TAFA2: variants seen among roughly 807,000 people sequenced by gnomAD.
TAFA2 encodes the protein TAFA chemokine like family member 2, also known as chemokine-like protein TAFA-2.
Under a neutral mutation model 18.8 loss-of-function variants are expected in TAFA2, and 7 were observed. The ratio of observed to expected loss-of-function variants is 0.37; its 90% CI spans 0.21 to 0.70. The LOEUF is 0.70. TAFA2 is among the 30% of genes least tolerant of loss of function. TAFA2 has a pLI of 0.53. For missense variants in TAFA2, 122 were observed against 158.1 expected (o/e 0.77, Z 1.23); for synonymous variants, 60 against 54.2 (o/e 1.11, Z -0.47).
intron 1 of TAFA2, among the ~76,000 whole-genome samples, chr12:62,010,413 C>T (rs932320338): frequency 6.6e-6 from 1 of 152,178 alleles, no homozygotes; most frequent in South Asian, 2.1e-4. Flanking sequence ...CCACCTCAGC[C>T]TCCCAGGGTG....
chr12:62,115,678 G>T (rs1592345334), intron 1 of TAFA2, among the ~76,000 whole-genome samples: 1 of 152,288 alleles, frequency 6.6e-6, no homozygotes. Flanking sequence ...CCACGGTTGT[G>T]TCTGGTTTGT....
chr12:61,955,647 ATATATATATATATATATAT>A, intron 1 of TAFA2, among the ~76,000 whole-genome samples: 1 of 70,708 alleles, frequency 1.4e-5, no homozygotes, highest in Non-Finnish European at 3.0e-5. Flanking sequence ...ATATATATAT[ATATATATATATATATATAT>A]ATATTTAATT....
intron 1 of TAFA2, among the ~76,000 whole-genome samples, chr12:61,952,711 T>C (rs184384393): frequency 5.6e-4 from 85 of 152,262 alleles, no homozygotes; most frequent in Admixed American, 9.8e-4. Context: ...TTTAGGATTC[T>C]ATCACCTTCA....
intron 1 of TAFA2, among the ~76,000 whole-genome samples, chr12:62,202,198 AGC>A (rs1160036814): frequency 2.0e-5 from 3 of 151,936 alleles, no homozygotes; most frequent in Admixed American, 6.6e-5. Context: ...CTCCTGGATT[AGC>A]TGATTTTTTA....
chr12:62,012,705 C>T (rs1880811688), intron 1 of TAFA2, among the ~76,000 whole-genome samples: 1 of 152,062 alleles, frequency 6.6e-6, no homozygotes, highest in South Asian at 2.1e-4. Flanking sequence ...AAACACAGCA[C>T]CCAAAATTTA....
At chr12:61,761,741 A>T (rs932601923) in intron 2 of TAFA2, among the ~76,000 whole-genome samples, 1 of 152,088 alleles carries the variant, frequency 6.6e-6, no homozygotes, top group Admixed American at 6.6e-5. Flanking sequence ...AATTAGAGAT[A>T]AGAATCCAGA....
At chr12:62,130,730 A>C (rs1323794245) in intron 1 of TAFA2, among the ~76,000 whole-genome samples, 1 of 151,970 alleles carries the variant, frequency 6.6e-6, no homozygotes, top group African/African-American at 2.4e-5. Flanking sequence ...GTGATACTTG[A>C]AATTCACTGA....
At chr12:62,171,233 A>T (rs951960537) in intron 1 of TAFA2, among the ~76,000 whole-genome samples, 1 of 152,088 alleles carries the variant, frequency 6.6e-6, no homozygotes, top group Non-Finnish European at 1.5e-5. Flanking sequence ...ATAGTATTTG[A>T]AGAAAAAGGA....
chr12:62,095,282 T>A (rs1045569954), intron 1 of TAFA2, among the ~76,000 whole-genome samples: 1 of 152,064 alleles, frequency 6.6e-6, no homozygotes, highest in African/African-American at 2.4e-5. Context: ...AGGGATATAA[T>A]TGCCACCCTG....
chr12:62,159,782 A>C (rs2062394170), intron 1 of TAFA2, among the ~76,000 whole-genome samples: 1 of 152,172 alleles, frequency 6.6e-6, no homozygotes, highest in African/African-American at 2.4e-5. Context: ...TGATGGGTGC[A>C]CCAAAATCTC....
chr12:62,256,954 G>A (rs2062942207), intron 1 of TAFA2, among the ~76,000 whole-genome samples: 6 of 152,184 alleles, frequency 3.9e-5, no homozygotes, highest in Admixed American at 1.3e-4. Context: ...TTAGAGAGGT[G>A]AGTAAGAATG....
At chr12:61,826,624 G>A (rs1410800089) in intron 2 of TAFA2, among the ~76,000 whole-genome samples, 1 of 151,944 alleles carries the variant, frequency 6.6e-6, no homozygotes, top group Non-Finnish European at 1.5e-5. Flanking sequence ...TGGCTCAGGA[G>A]ATACTAATTT....
intron 2 of TAFA2, among the ~76,000 whole-genome samples, chr12:61,779,265 G>C (rs1367268768): frequency 6.6e-6 from 1 of 151,740 alleles, no homozygotes; most frequent in Non-Finnish European, 1.5e-5. Flanking sequence ...AATCCAAAGA[G>C]AGTTTAATCC....
At chr12:61,861,567 T>C (rs1008398815) in intron 2 of TAFA2, among the ~76,000 whole-genome samples, 3 of 152,166 alleles carry the variant, frequency 2.0e-5, no homozygotes, top group African/African-American at 7.2e-5. Flanking sequence ...CTCACTTTCA[T>C]ATCTCCAGAA....
At chr12:61,732,733 T>TTTTGTG (rs1555197315) in intron 4 of TAFA2, among the ~76,000 whole-genome samples, 1 of 111,398 alleles carries the variant, frequency 9.0e-6, no homozygotes, top group Non-Finnish European at 2.1e-5. Context: ...AAGTGATTTT[T>TTTTGTG]TGTGTGTGTG....
chr12:62,123,499 A>G (rs990899838), intron 1 of TAFA2, among the ~76,000 whole-genome samples: 20 of 152,192 alleles, frequency 1.3e-4, no homozygotes, highest in African/African-American at 4.6e-4. Flanking sequence ...AAGGGAGAAC[A>G]GGCTAACTGG....
At chr12:62,077,427 T>C (rs1374971320) in intron 1 of TAFA2, among the ~76,000 whole-genome samples, 1 of 152,212 alleles carries the variant, frequency 6.6e-6, no homozygotes, top group African/African-American at 2.4e-5. Context: ...ATTGTTCAAT[T>C]AGAAAAGAGG....
At chr12:61,857,524 C>T (rs539476753) in intron 2 of TAFA2, among the ~76,000 whole-genome samples, 1 of 152,222 alleles carries the variant, frequency 6.6e-6, no homozygotes, top group East Asian at 1.9e-4. Flanking sequence ...AAACATTTAG[C>T]TTTCTATATC....
At chr12:62,186,558 T>C (rs1394120423) in intron 1 of TAFA2, among the ~76,000 whole-genome samples, 1 of 152,120 alleles carries the variant, frequency 6.6e-6, no homozygotes, top group Non-Finnish European at 1.5e-5. Flanking sequence ...AAAGCTACGT[T>C]TAAAAGAAGC....
Sources: gnomAD v4.1 joint callset for allele counts (sites outside exome capture counted in the v4.1 genomes callset) on GRCh38, gnomAD v4.1.1 for gene constraint, MANE v1.5 for transcripts, NCBI Gene and HGNC (gene_info 2026-07-23, HGNC 2026-07-21) for gene names.